GRID1: variants seen among roughly 807,000 people sequenced by gnomAD.
GRID1 encodes the protein glutamate ionotropic receptor delta type subunit 1.
Under a neutral mutation model 98.0 loss-of-function variants are expected in GRID1, and 28 were observed. The ratio of observed to expected loss-of-function variants is 0.29; its 90% CI spans 0.21 to 0.39. The LOEUF is 0.39. Among genes scored for constraint, GRID1 ranks in the 10% least tolerant of loss-of-function variants. The pLI is 1.00. For synonymous variants in GRID1, 553 were observed against 538.5 expected, an observed-to-expected ratio of 1.03 and a Z score of -0.37; for missense variants, 1,111 against 1,340.5, an observed-to-expected ratio of 0.83 and a Z score of 2.67.
intron 2 of GRID1, among the ~76,000 whole-genome samples, chr10:86,280,337 A>G (rs1847338831): frequency 6.6e-6 from 1 of 152,210 alleles, no homozygotes; most frequent in South Asian, 2.1e-4. Flanking sequence ...CCACCATGAC[A>G]ACTTATCCTT....
chr10:85,754,374 G>T (rs1441501084), intron 8 of GRID1, among the ~76,000 whole-genome samples: 1 of 152,132 alleles, frequency 6.6e-6, no homozygotes, highest in Non-Finnish European at 1.5e-5. Flanking sequence ...AGAAATGTCT[G>T]GTCTAGAAGG....
At chr10:86,274,326 G>C (rs1847233055) in intron 2 of GRID1, among the ~76,000 whole-genome samples, 1 of 152,206 alleles carries the variant, frequency 6.6e-6, no homozygotes, top group South Asian at 2.1e-4. Context: ...TTGTAGTATA[G>C]TTTGAAGTCA....
chr10:85,689,222 T>C (rs1041585457), intron 12 of GRID1, among the ~76,000 whole-genome samples: 4 of 152,184 alleles, frequency 2.6e-5, no homozygotes, highest in African/African-American at 9.7e-5. Flanking sequence ...CATTTCTTTA[T>C]AAGCATTTTG....
chr10:86,342,920 T>C (rs1223370396), intron 2 of GRID1, among the ~76,000 whole-genome samples: 4 of 152,264 alleles, frequency 2.6e-5, no homozygotes, highest in Admixed American at 1.3e-4. Flanking sequence ...CTGGCGTTCC[T>C]TGGTGTATAT....
At chr10:86,073,556 G>A (rs1273428088) in intron 4 of GRID1, among the ~76,000 whole-genome samples, 6 of 152,216 alleles carry the variant, frequency 3.9e-5, no homozygotes, top group African/African-American at 1.4e-4. Flanking sequence ...GCCTCCTGCT[G>A]GAATGATCCA....
intron 8 of GRID1, among the ~76,000 whole-genome samples, chr10:85,776,558 T>C (rs1024913092): frequency 9.9e-5 from 15 of 152,082 alleles, no homozygotes; most frequent in African/African-American, 3.4e-4. Flanking sequence ...GACCTCCACA[T>C]AGCCAGCAGC....
At position 85,647,392 on chromosome 10, in the gene GRID1, A is replaced by G; in HGVS notation, c.2003T>C (p.Phe668Ser). Residue 668 changes from phenylalanine (F) to serine (S), a missense_variant, in exon 13 of 16, where the codon TTC (phenylalanine) becomes TCC (serine). Physicochemically the swap from Phe to Ser is radical, Grantham distance 155. Transcript: ENST00000327946. ...TTCCACTTGTTTGGACAGGTCCTGG[A>G]AAGTCCTGAAATGCAGAAAGGCAGC... Reference protein sequence around the residue: ...VSRMDNPIRTFQDLSKQVEMS... With the variant: ...VSRMDNPIRTSQDLSKQVEMS... 2 of 1,613,224 alleles carry G rather than the reference A, an allele frequency of 1.2e-6. No homozygotes were observed. Among genetic ancestry groups the G allele is most frequent in the Non-Finnish European group, 1.7e-6 (2 of 1,179,184 alleles).
chr10:86,165,615 C>A (rs1188861523), intron 3 of GRID1, among the ~76,000 whole-genome samples: 1 of 152,120 alleles, frequency 6.6e-6, no homozygotes, highest in Non-Finnish European at 1.5e-5. Flanking sequence ...TAAGTCGTTT[C>A]CAGTTCTGGG....
intron 4 of GRID1, among the ~76,000 whole-genome samples, chr10:85,965,100 C>A (rs1169050769): frequency 6.6e-6 from 1 of 152,134 alleles, no homozygotes. Flanking sequence ...CCATCTCATG[C>A]CAGTTAGAAT....
At chr10:85,702,375 G>C (rs1841461445) in intron 12 of GRID1, among the ~76,000 whole-genome samples, 1 of 152,074 alleles carries the variant, frequency 6.6e-6, no homozygotes, top group Non-Finnish European at 1.5e-5. Context: ...GAACTCCCCA[G>C]AATGAGCAGG....
intron 2 of GRID1, among the ~76,000 whole-genome samples, chr10:86,319,058 G>T (rs371430247): frequency 6.6e-6 from 1 of 152,138 alleles, no homozygotes; most frequent in Admixed American, 6.5e-5. Context: ...CGTTCAGGGT[G>T]GGGGGAACTG....
intron 3 of GRID1, among the ~76,000 whole-genome samples, chr10:86,198,604 G>A (rs886972439): frequency 2.0e-4 from 31 of 152,208 alleles, no homozygotes; most frequent in Admixed American, 1.8e-3. Flanking sequence ...GTATTGTATC[G>A]CAATTTTACA....
At chr10:85,829,824 T>C (rs187173307) in intron 8 of GRID1, among the ~76,000 whole-genome samples, 2 of 152,116 alleles carry the variant, frequency 1.3e-5, no homozygotes, top group African/African-American at 2.4e-5. Flanking sequence ...CAGAAAAATA[T>C]CCTATGCTCA....
At chr10:86,167,072 C>G (rs1425468974) in intron 3 of GRID1, among the ~76,000 whole-genome samples, 1 of 152,248 alleles carries the variant, frequency 6.6e-6, no homozygotes, top group Non-Finnish European at 1.5e-5. Flanking sequence ...AAGGGGAAGG[C>G]CTCTCCCTCC....
intron 2 of GRID1, among the ~76,000 whole-genome samples, chr10:86,218,924 G>A (rs1450215418): frequency 6.6e-6 from 1 of 152,218 alleles, no homozygotes; most frequent in Non-Finnish European, 1.5e-5. Flanking sequence ...ACAGGACAAT[G>A]CGGGATGTAC....
chr10:86,222,732 T>A (rs900891427), intron 2 of GRID1, among the ~76,000 whole-genome samples: 2 of 152,116 alleles, frequency 1.3e-5, no homozygotes, highest in African/African-American at 4.8e-5. Context: ...TGGGCAAAAC[T>A]GCATTATGCC....
chr10:85,797,368 C>G (rs1028149898), intron 8 of GRID1, among the ~76,000 whole-genome samples: 1 of 152,048 alleles, frequency 6.6e-6, no homozygotes, highest in Non-Finnish European at 1.5e-5. Flanking sequence ...TCTTCACCAC[C>G]TACCAACTCT....
chr10:85,902,816 G>T (rs1020914521), intron 5 of GRID1, among the ~76,000 whole-genome samples: 1 of 152,032 alleles, frequency 6.6e-6, no homozygotes. Flanking sequence ...TCTAGGTCAC[G>T]CACCCTCCTG....
chr10:85,641,228 A>AAG (rs1843112596), intron 13 of GRID1, among the ~76,000 whole-genome samples: 1 of 152,234 alleles, frequency 6.6e-6, no homozygotes, highest in South Asian at 2.1e-4. Context: ...CCCATCAGCA[A>AAG]TATTAAAGTC....
Sources: gnomAD v4.1 joint callset for allele counts (sites outside exome capture counted in the v4.1 genomes callset) on GRCh38, gnomAD v4.1.1 for gene constraint, MANE v1.5 for transcripts, NCBI Gene and HGNC (gene_info 2026-07-23, HGNC 2026-07-21) for gene names.